The following ELMO3 variants were observed in gnomAD, a reference collection of about 807,000 sequenced individuals.
ELMO3 encodes engulfment and cell motility 3.
A neutral mutation model predicts 89.0 loss-of-function variants in ELMO3; 81 were observed. The observed-to-expected ratio is 0.91, with a 90% confidence interval of 0.76 to 1.09. The LOEUF (loss-of-function observed/expected upper bound fraction) is 1.09. ELMO3 is among the 50% of genes least tolerant of loss of function. ELMO3 has a pLI of 0.00. For synonymous variants in ELMO3, 406 were observed against 400.6 expected, an observed-to-expected ratio of 1.01 and a Z score of -0.16; for missense variants, 959 against 972.8, an observed-to-expected ratio of 0.99 and a Z score of 0.19.
chr16:67,202,893 G>C lies in ELMO3; in HGVS notation c.1564G>C (p.Glu522Gln). ...TGCTCAGTGACACCCCTCTATCAGG[G>C]AGCTGCGGGAGAAGCTGAAGCCAGA... The part of the protein sequence containing the change: ...QEGTLAPPIL[E>Q]LREKLKPELM... Residue 522 changes from glutamate (E) to glutamine (Q), a missense_variant and splice_region_variant, in exon 16 of 20, where the codon GAG becomes CAG. Physicochemically the swap from Glu to Gln is conservative, Grantham distance 29. Coordinates refer to ENST00000393997, the MANE Select transcript of ELMO3 (RefSeq NM_024712.5). The C allele has an allele frequency of 6.2e-7, 1 of 1,612,934 alleles. No individual in the cohort carries two copies.
chr16:67,200,483 C>A lies in ELMO3; in HGVS notation c.446C>A (p.Ala149Asp). ...GAGGTGCTGGCCCTCAGCCTGAGGG[C>A]CTTCTCAGAGCTCATGGAGCACGGC... ...LGEVLALSLR[A>D]FSELMEHGVV... Residue 149 changes from alanine to aspartate, a missense_variant, in exon 6 of 20, where the codon GCC becomes GAC. Physicochemically the swap from Ala to Asp is moderately radical, Grantham distance 126. Coordinates refer to ENST00000393997, the MANE Select transcript of ELMO3 (RefSeq NM_024712.5). 2 of 1,613,522 alleles carry A rather than the reference C, an allele frequency of 1.2e-6. No individual in the cohort carries two copies. The highest frequency in any genetic ancestry group is 1.7e-6 in the Non-Finnish European group (2 of 1,179,804).
Position 67,201,370 on chromosome 16 carries a change from T to C in ELMO3, c.745-15T>C. The C allele has an allele frequency of 6.2e-7, 1 of 1,613,866 alleles. No individual in the cohort carries two copies. Among genetic ancestry groups the C allele is most frequent in the Non-Finnish European group, 8.5e-7 (1 of 1,179,994 alleles). ...CCGCGCCCAGCCTAAGCCCCCTTTC[T>C]TTCTACCCCCTCAGCACATGCTTGA... On this transcript the variant is annotated splice_polypyrimidine_tract_variant and intron_variant, in intron 8 of 19. Transcript: ENST00000393997.
Position 67,199,574 on chromosome 16 carries a change from C to G in ELMO3, c.100C>G (p.Leu34Val), listed in dbSNP as rs1230104335. 1 of 1,603,562 alleles carries G rather than the reference C, an allele frequency of 6.2e-7. No homozygotes were observed. The highest frequency in any genetic ancestry group is 1.3e-5 in the African/African-American group (1 of 74,562). ...GCAGGCGAAGCCCCTGGCCGCTGTG[C>G]TGAAGGAGGTGTGCGACGCGTGAGT... ...LDQAKPLAAV[L>V]KEVCDAWSLT... is the part of the protein sequence containing the mutation. The change falls in exon 2 of 20, where the codon CTG becomes GTG. Residue 34 changes from leucine (L) to valine (V), a missense_variant. Physicochemically the swap from Leu to Val is conservative, Grantham distance 32. Coordinates refer to ENST00000393997, the MANE Select transcript of ELMO3 (RefSeq NM_024712.5).
Position 67,203,992 on chromosome 16 carries a change from T to C in ELMO3, c.*115T>C. 1 of 990,238 alleles carries C rather than the reference T, an allele frequency of 1.0e-6. No individual in the cohort carries two copies. The allele number at this position is 990,238 out of a possible 1,614,324, so 61.3% of individuals were successfully genotyped here. A position where few individuals can be genotyped will look rare whatever the true frequency, so the allele number is the denominator to read the frequency against. On this transcript the variant is annotated 3_prime_UTR_variant, in exon 20 of 20. Coordinates refer to ENST00000393997, the MANE Select transcript of ELMO3 (RefSeq NM_024712.5). The surrounding 1 kb of genome is among the most constrained non-coding windows in gnomAD (Gnocchi z 4.6). ...AGATTGCTGCAGAAATAAAGTCTGCTTGGCTCTTGGGATATGTTGAGCCAG... is the reference window on the plus strand; with the variant it reads ...AGATTGCTGCAGAAATAAAGTCTGCCTGGCTCTTGGGATATGTTGAGCCAG...
rs760698338 is a variant in ELMO3 at position 67,202,072 on chromosome 16, C to T, written c.1146C>T (p.Tyr382=). ...LYFSRNAPSA[Y]SRFVLENSSR... is the part of the protein sequence containing the mutation. Reference sequence around the variant, plus strand: ...TCTCCAGAAACGCGCCCAGCGCGTACAGCCGGGTCGGTGACAGGGTAGGGT... The same window carrying T: ...TCTCCAGAAACGCGCCCAGCGCGTATAGCCGGGTCGGTGACAGGGTAGGGT... The change falls in exon 12 of 20, where the codon TAC becomes TAT. Residue 382 remains tyrosine (Y), a synonymous_variant. Transcript: ENST00000393997. 1.9e-5 allele frequency: 30 copies of T among 1,612,954 alleles called. No homozygotes were observed. Among genetic ancestry groups the T allele is most frequent in the Middle Eastern group, 1.6e-4 (1 of 6,082 alleles).
At position 67,202,631 on chromosome 16, in the gene ELMO3, T is replaced by C. The variant is rs745504884; in HGVS notation, c.1403T>C (p.Met468Thr). 4.3e-5 allele frequency: 70 copies of C among 1,613,224 alleles called. No individual in the cohort carries two copies. The Admixed American group carries it at 1.1e-3, about 26-fold the overall frequency. The change falls in exon 15 of 20, where the codon ATG (methionine) becomes ACG (threonine). Residue 468 changes from methionine to threonine, a missense_variant. Met to Thr is a moderately conservative substitution (Grantham distance 81). Coordinates refer to ENST00000393997, the MANE Select transcript of ELMO3 (RefSeq NM_024712.5). The part of the protein sequence containing the change: ...RATQEDFDKV[M>T]QVVREQLART... ...GCTGAGCTTGGGCGGCCCCAGGTCATGCAGGTGGTGCGGGAGCAGCTGGCC... is the reference window on the plus strand; with the variant it reads ...GCTGAGCTTGGGCGGCCCCAGGTCACGCAGGTGGTGCGGGAGCAGCTGGCC...
rs373640778 is a variant in ELMO3, at chr16:67,203,080, C to A, written c.1676-39C>A. The A allele has an allele frequency of 2.4e-4, 381 of 1,594,528 alleles. No homozygotes were observed. The highest frequency in any genetic ancestry group is 3.1e-4 in the Non-Finnish European group (358 of 1,171,774). ...GAGGGCGGCTGGCTTGGTGTCAGGA[C>A]CTCTCAGCACTCTGGCCCTCTTCCC... On this transcript the variant is annotated intron_variant, in intron 16 of 19. Transcript: ENST00000393997. The surrounding 1 kb of genome is among the most constrained non-coding windows in gnomAD (Gnocchi z 4.6).
chr16:67,201,364 C>G (rs200573909), intron 8 of ELMO3, 21 bp from the exon 9 acceptor site: 5 of 1,613,716 alleles, frequency 3.1e-6, no homozygotes, highest in Non-Finnish European at 4.2e-6. Flanking sequence ...GCCTAAGCCC[C>G]CTTTCTTTCT....
Position 67,201,636 on chromosome 16 carries a change from C to T in ELMO3, c.912C>T (p.Tyr304=), listed in dbSNP as rs2033113081. 1 of 1,612,460 alleles carries T rather than the reference C, an allele frequency of 6.2e-7. No individual in the cohort carries two copies. Among genetic ancestry groups the T allele is most frequent in the South Asian group, 1.1e-5 (1 of 91,062 alleles). The change falls in exon 10 of 20, where the codon TAC becomes TAT. Residue 304 remains tyrosine (Y), a synonymous_variant. Transcript: ENST00000393997. ...EPRMRTPLDP[Y]SQEQREQLQV... ...GCATGCGGACGCCCCTGGACCCCTACAGCCAGGTGTGTGTCTTTGGTGAGG... is the reference window on the plus strand; with the variant it reads ...GCATGCGGACGCCCCTGGACCCCTATAGCCAGGTGTGTGTCTTTGGTGAGG...
At position 67,201,893 on chromosome 16, in the gene ELMO3, A is replaced by C; in HGVS notation, c.1050+20A>C. ...TTTTCTGTGAGTATCACCCCTACCCAACTCCCCACCCCTGCCTCAGCCCAG... is the reference window on the plus strand; with the variant it reads ...TTTTCTGTGAGTATCACCCCTACCCCACTCCCCACCCCTGCCTCAGCCCAG... On this transcript the variant is annotated intron_variant, in intron 11 of 19. Coordinates refer to ENST00000393997, the MANE Select transcript of ELMO3 (RefSeq NM_024712.5). 5 of 1,602,132 alleles carry C rather than the reference A, an allele frequency of 3.1e-6. No individual in the cohort carries two copies. The highest frequency in any genetic ancestry group is 1.7e-4 in the Middle Eastern group (1 of 6,016).
At chr16:67,202,598 G>C (rs752640533) in intron 14 of ELMO3, 29 bp from the exon 15 acceptor site, 9 of 1,612,940 alleles carry the variant, frequency 5.6e-6, no homozygotes, top group Admixed American at 5.0e-5. Flanking sequence ...ACAGAGCTTA[G>C]GCCCTGAGCT....
Position 67,203,663 on chromosome 16 carries a change from A to C in ELMO3, c.1951-2A>C, listed in dbSNP as rs918298725. The C allele has an allele frequency of 6.2e-7, 1 of 1,613,590 alleles. No homozygotes were observed. The highest frequency in any genetic ancestry group is 1.1e-5 in the South Asian group (1 of 91,048). ...ACCCTCACGGCTCTGTGCCACCCCCAGTTCTACCTGTGGACAGATGGGCTC... is the reference window on the plus strand; with the variant it reads ...ACCCTCACGGCTCTGTGCCACCCCCCGTTCTACCTGTGGACAGATGGGCTC... On this transcript the variant is annotated splice_acceptor_variant, in intron 19 of 19. Transcript: ENST00000393997. LOFTEE classifies it high-confidence loss of function. This position sits in a 1 kb window ranked among gnomAD's most constrained non-coding sequence, Gnocchi z 4.6.
chr16:67,201,819 T>A lies in ELMO3; in HGVS notation c.996T>A (p.Ser332Arg). The change falls in exon 11 of 20, where the codon AGT becomes AGA. Residue 332 changes from serine to arginine, a missense_variant. Physicochemically the swap from Ser to Arg is moderately radical, Grantham distance 110. Transcript: ENST00000393997. The part of the protein sequence containing the change: ...VEGESSGAGL[S>R]ADRRRSLCAR... ...GGGAGTCCTCGGGTGCCGGGCTAAG[T>A]GCTGACCGTCGCCGTTCCCTCTGTG... The A allele has an allele frequency of 6.2e-7, 1 of 1,611,998 alleles. No individual in the cohort carries two copies. The highest frequency in any genetic ancestry group is 8.5e-7 in the Non-Finnish European group (1 of 1,179,940).
Position 67,202,090 on chromosome 16 carries a change from G to T in ELMO3, c.1152+12G>T, listed in dbSNP as rs752416868. On this transcript the variant is annotated intron_variant, in intron 12 of 19. Transcript: ENST00000393997. ...GCGCGTACAGCCGGGTCGGTGACAG[G>T]GTAGGGTGGGGGGGTGGCAGCATCC... 1 of 1,612,080 alleles carries T rather than the reference G, an allele frequency of 6.2e-7. No individual in the cohort carries two copies. The highest frequency in any genetic ancestry group is 2.2e-5 in the East Asian group (1 of 44,848).
chr16:67,199,808 A>C (rs2033056294), intron 3 of ELMO3, 52 bp downstream of exon 3: 1 of 1,596,140 alleles, frequency 6.3e-7, no homozygotes, highest in African/African-American at 1.4e-5. Flanking sequence ...CCTCTAACCC[A>C]CCTGGCCCCG....
intron 1 of ELMO3, 72 bp downstream of exon 1, chr16:67,199,476 G>GCCC: frequency 2.7e-6 from 4 of 1,503,562 alleles, no homozygotes; most frequent in Non-Finnish European, 3.6e-6. Context: ...CCTCGGGGCA[G>GCCC]CCCGCCCCAC....
chr16:67,199,727 G>T lies in ELMO3; in HGVS notation c.163G>T (p.Asp55Tyr), dbSNP rs750988812. The change falls in exon 3 of 20, where the codon GAT (aspartate) becomes TAT (tyrosine). Residue 55 changes from aspartate (D) to tyrosine (Y), a missense_variant. Coordinates refer to ENST00000393997, the MANE Select transcript of ELMO3 (RefSeq NM_024712.5). ...TGAGCGTTACGCCCTGCAGTTTGCG[G>T]ATGGGCACCGGAGATACATCACCGA... ...HSERYALQFA[D>Y]GHRRYITENN... The T allele has an allele frequency of 6.2e-7, 1 of 1,611,298 alleles. No homozygotes were observed. The highest frequency in any genetic ancestry group is 8.5e-7 in the Non-Finnish European group (1 of 1,179,834).
chr16:67,201,700 A>T, intron 10 of ELMO3, 42 bp from the exon 11 acceptor site: 1 of 1,607,678 alleles, frequency 6.2e-7, no homozygotes, highest in Non-Finnish European at 8.5e-7. Context: ...CCTTGAATCT[A>T]TAATCTTGAT....
Position 67,203,335 on chromosome 16 carries a change from G to GCC in ELMO3, c.1790_1791dup (p.Asp598ProfsTer3), listed in dbSNP as rs1309999861. ...CAGCCTTCTTCCTGCAGTCCCTGTG[G>GCC]CCGACATGAGGGCACTCCTGACAGG... On this transcript the variant is annotated frameshift_variant, in exon 18 of 20. Transcript: ENST00000393997. LOFTEE classifies it high-confidence loss of function. The surrounding 1 kb of genome is among the most constrained non-coding windows in gnomAD (Gnocchi z 4.6). 6.3e-7 allele frequency: 1 copy of GCC among 1,599,166 alleles called. No homozygotes were observed. Among genetic ancestry groups the GCC allele is most frequent in the Non-Finnish European group, 8.5e-7 (1 of 1,175,058 alleles).
Sources: allele counts gnomAD v4.1 joint callset, GRCh38; gene constraint gnomAD v4.1.1; non-coding constraint Gnocchi (gnomAD v3.1); transcripts MANE v1.5; gene names NCBI Gene and HGNC (gene_info 2026-07-23, HGNC 2026-07-21).